Variants in OXSR1 observed in about 807,000 individuals in gnomAD.
OXSR1 encodes serine/threonine-protein kinase OSR1.
Under a neutral mutation model 79.8 loss-of-function variants are expected in OXSR1, and 24 were observed. The observed-to-expected ratio is 0.30, with a 90% CI of 0.22 to 0.42. The LOEUF (loss-of-function observed/expected upper bound fraction) is 0.42. Among genes scored for constraint, OXSR1 ranks in the 10% least tolerant of loss-of-function variants. The pLI is 1.00. For missense variants in OXSR1, 430 were observed against 618.4 expected (o/e 0.70, Z 3.23); for synonymous variants, 226 against 209.2 (o/e 1.08, Z -0.69).
At chr3:38,242,254 C>A (rs970300827) in intron 11 of OXSR1, among the ~76,000 whole-genome samples, 8 of 152,134 alleles carry the variant, frequency 5.3e-5, no homozygotes, top group Non-Finnish European at 1.0e-4. Context: ...AAATATCCAA[C>A]ACCAAGAATA....
intron 3 of OXSR1, among the ~76,000 whole-genome samples, chr3:38,196,919 C>T (rs906807976): frequency 6.6e-6 from 1 of 152,264 alleles, no homozygotes; most frequent in East Asian, 1.9e-4. Context: ...TTTGCATTCC[C>T]TATTTTAGGT....
At chr3:38,178,618 ATATTTTTT>A (rs1364176762) in intron 1 of OXSR1, among the ~76,000 whole-genome samples, 37 of 86,728 alleles carry the variant, frequency 4.3e-4, no homozygotes, top group African/African-American at 1.9e-3. Flanking sequence ...ATATATATAT[ATATTTTTT>A]TTTTTTTTTT....
intron 5 of OXSR1, among the ~76,000 whole-genome samples, chr3:38,219,103 T>C (rs1200719283): frequency 6.6e-6 from 1 of 152,184 alleles, no homozygotes; most frequent in African/African-American, 2.4e-5. Flanking sequence ...ATGGTTGGAT[T>C]GATTATGTTT....
chr3:38,219,621 T>A (rs1294469410), intron 5 of OXSR1, among the ~76,000 whole-genome samples: 1 of 152,204 alleles, frequency 6.6e-6, no homozygotes, highest in Non-Finnish European at 1.5e-5. Context: ...TGAAAATACC[T>A]GCCCAAGTTC....
At chr3:38,173,579 T>A (rs1178491317) in intron 1 of OXSR1, among the ~76,000 whole-genome samples, 1 of 152,250 alleles carries the variant, frequency 6.6e-6, no homozygotes, top group African/African-American at 2.4e-5. Flanking sequence ...GTGCTCAGCA[T>A]AGACTTGGCA....
At chr3:38,180,772 G>A (rs144320163) in intron 1 of OXSR1, among the ~76,000 whole-genome samples, 139 of 151,874 alleles carry the variant, frequency 9.2e-4, no homozygotes, top group African/African-American at 3.1e-3. Flanking sequence ...GGACTCAGGC[G>A]ATCTGCTCAC....
chr3:38,236,983 A>G, intron 11 of OXSR1, 22 bp downstream of exon 11: 1 of 1,597,842 alleles, frequency 6.3e-7, no homozygotes, highest in Non-Finnish European at 8.5e-7. Context: ...TAAACTGTGT[A>G]CTTTAGCTAG....
chr3:38,229,639 A>G lies in OXSR1; in HGVS notation c.837-48A>G, dbSNP rs1392828802. The G allele has an allele frequency of 4.0e-6, 6 of 1,504,458 alleles. No individual in the cohort carries two copies. The Admixed American group carries it at 5.3e-5, about 13-fold the overall frequency. The allele number at this position is 1,504,458 out of a possible 1,614,324, so 93.2% of individuals were successfully genotyped here. A position where few individuals can be genotyped will look rare whatever the true frequency, so the allele number is the denominator to read the frequency against. ...TTTTGATGATGGAATCTGACATTAC[A>G]CTTGAATTAATTATAAAAACTTTTC... On this transcript the variant is annotated intron_variant, in intron 8 of 17. Transcript: ENST00000311806.
chr3:38,246,593 C>T (rs1251227718), intron 13 of OXSR1, among the ~76,000 whole-genome samples: 3 of 152,154 alleles, frequency 2.0e-5, no homozygotes, highest in Non-Finnish European at 4.4e-5. Context: ...CAGGCTTATA[C>T]TTTTTATTAA....
intron 4 of OXSR1, among the ~76,000 whole-genome samples, chr3:38,214,118 C>A (rs1407698886): frequency 6.6e-6 from 1 of 150,388 alleles, no homozygotes; most frequent in Non-Finnish European, 1.5e-5. Context: ...ATTGGGGAAG[C>A]AGGGAGGGAA....
chr3:38,193,564 C>T, intron 3 of OXSR1: 1 of 421,784 alleles, frequency 2.4e-6, no homozygotes, highest in South Asian at 2.0e-5. Flanking sequence ...ATTCTCTCGT[C>T]CATATCTGTA....
intron 10 of OXSR1, among the ~76,000 whole-genome samples, chr3:38,232,157 G>A (rs538139613): frequency 3.4e-4 from 52 of 152,170 alleles, no homozygotes; most frequent in African/African-American, 1.2e-3. Flanking sequence ...GGTGACTCAC[G>A]CTTGTAATCC....
intron 4 of OXSR1, among the ~76,000 whole-genome samples, chr3:38,212,062 A>T (rs1702398927): frequency 6.6e-6 from 1 of 151,900 alleles, no homozygotes; most frequent in African/African-American, 2.4e-5. Context: ...ACCTGGGTCC[A>T]CTGTCAGAAA....
intron 11 of OXSR1, among the ~76,000 whole-genome samples, chr3:38,237,751 G>A (rs1161975656): frequency 4.6e-5 from 7 of 152,260 alleles, no homozygotes; most frequent in Non-Finnish European, 1.0e-4. Flanking sequence ...GGCAAAAATC[G>A]ATTAAGCTCT....
At chr3:38,178,049 A>G (rs905657923) in intron 1 of OXSR1, among the ~76,000 whole-genome samples, 8 of 152,168 alleles carry the variant, frequency 5.3e-5, no homozygotes, top group African/African-American at 1.9e-4. Flanking sequence ...CCCAGCTTCA[A>G]GCAATTCTTG....
intron 4 of OXSR1, among the ~76,000 whole-genome samples, chr3:38,207,306 A>C (rs1702284704): frequency 2.0e-5 from 3 of 152,218 alleles, no homozygotes; most frequent in Admixed American, 2.0e-4. Context: ...TTCACATAAT[A>C]GTCTGGGCAT....
Position 38,190,940 on chromosome 3 carries a change from T to C in OXSR1, c.292+101T>C. The C allele has an allele frequency of 5.8e-6, 4 of 694,596 alleles. No homozygotes were observed. In the Middle Eastern group the frequency reaches 9.4e-4, roughly 164 times the overall value. 43.0% of individuals were successfully genotyped at this position (694,596 alleles called of 1,614,324 possible). The stretch of plus-strand genomic sequence containing the variant: ...GATTTCGTTTTCATGGACATTTGCA[T>C]TTGAGGAGATACTGAAAATATAGTA... On this transcript the variant is annotated intron_variant, in intron 3 of 17. Transcript: ENST00000311806.
At chr3:38,250,897 G>C (rs541467773) in intron 15 of OXSR1, among the ~76,000 whole-genome samples, 1 of 152,106 alleles carries the variant, frequency 6.6e-6, no homozygotes, top group Non-Finnish European at 1.5e-5. Flanking sequence ...TGAAGATGAG[G>C]TTAATTGGGG....
intron 5 of OXSR1, among the ~76,000 whole-genome samples, chr3:38,219,779 A>G (rs78065926): frequency 1.7e-4 from 25 of 148,250 alleles, no homozygotes; most frequent in Non-Finnish European, 6.0e-5. Flanking sequence ...AAAACTGTTA[A>G]GATGATGATG....
Sources: gnomAD v4.1 joint callset for allele counts (sites outside exome capture counted in the v4.1 genomes callset) on GRCh38, gnomAD v4.1.1 for gene constraint, MANE v1.5 for transcripts, NCBI Gene and HGNC (gene_info 2026-07-23, HGNC 2026-07-21) for gene names.